The following POU2F2 variants were observed in gnomAD, a reference collection of about 807,000 sequenced individuals.
POU2F2 encodes the protein POU domain, class 2, transcription factor 2.
In POU2F2, 14 loss-of-function variants were observed where a neutral mutation model predicts 63.5. The ratio of observed to expected loss-of-function variants is 0.22; its 90% CI spans 0.15 to 0.34. POU2F2 has a LOEUF of 0.34. Ranked by LOEUF, POU2F2 falls within the 10% of genes least tolerant of loss-of-function variation. POU2F2 has a pLI of 1.00. For missense variants in POU2F2, 607 were observed against 815.2 expected, an observed-to-expected ratio of 0.74 and a Z score of 3.11; for synonymous variants, 306 against 348.6, an observed-to-expected ratio of 0.88 and a Z score of 1.36.
At position 42,096,397 on chromosome 19, in the gene POU2F2, C is replaced by A. The variant is rs1025595606; in HGVS notation, c.568-154G>T. ...CTTCCTCCACAAGCACCGTCAATCC[C>A]TTTAAAGGTCCCTCCACATGCACTG... On this transcript the variant is annotated intron_variant, in intron 7 of 14. Coordinates refer to ENST00000692977, the MANE Select transcript of POU2F2 (RefSeq NM_001394376.1). This position sits in a 1 kb window ranked among gnomAD's most constrained non-coding sequence, Gnocchi z 4.1. 6.6e-6 allele frequency among the ~76,000 whole-genome samples: 1 copy of A among 152,216 alleles called. No individual in the cohort carries two copies. The highest frequency in any genetic ancestry group is 1.5e-5 in the Non-Finnish European group (1 of 68,042).
At position 42,092,622 on chromosome 19, in the gene POU2F2, G is replaced by A. The variant is rs916624961; in HGVS notation, c.1265-352C>T. On this transcript the variant is annotated intron_variant, in intron 12 of 14. Transcript: ENST00000692977. This position sits in a 1 kb window ranked among gnomAD's most constrained non-coding sequence, Gnocchi z 5.0. Reference sequence around the variant, plus strand: ...AGGGGCGAAGGGTGCCAGGCACACTGCCACATCTGAGGGATGGGCAACCTG... The same window carrying A: ...AGGGGCGAAGGGTGCCAGGCACACTACCACATCTGAGGGATGGGCAACCTG... Among the ~76,000 whole-genome samples the A allele has an allele frequency of 1.3e-5, 2 of 151,504 alleles. No individual in the cohort carries two copies. The highest frequency in any genetic ancestry group is 2.0e-4 in the East Asian group (1 of 5,126).
intron 1 of POU2F2, among the ~76,000 whole-genome samples, chr19:42,127,018 G>A (rs961466310): frequency 6.6e-6 from 1 of 152,018 alleles, no homozygotes; most frequent in East Asian, 1.9e-4. Context: ...CTGGGGTCAA[G>A]CTATCCTCCC....
chr19:42,105,522 A>C (rs1019276468), intron 5 of POU2F2, among the ~76,000 whole-genome samples: 2 of 152,168 alleles, frequency 1.3e-5, no homozygotes, highest in African/African-American at 4.8e-5. Flanking sequence ...ATGACTCTCA[A>C]TGAAAATTCC....
chr19:42,118,912 GACAA>G (rs1159663374), intron 4 of POU2F2, among the ~76,000 whole-genome samples: 4 of 152,204 alleles, frequency 2.6e-5, no homozygotes, highest in African/African-American at 9.6e-5. Flanking sequence ...TGTGGACAGA[GACAA>G]ACAGAGGCCA....
At chr19:42,195,593 A>C (rs867528776) in intron 1 of POU2F2, among the ~76,000 whole-genome samples, 1 of 151,192 alleles carries the variant, frequency 6.6e-6, no homozygotes, top group Non-Finnish European at 1.5e-5. Flanking sequence ...CAGCCTCTCA[A>C]AGTGCTAGGA....
intron 4 of POU2F2, among the ~76,000 whole-genome samples, chr19:42,120,100 A>C (rs1158926605): frequency 6.6e-6 from 1 of 152,050 alleles, no homozygotes; most frequent in Non-Finnish European, 1.5e-5. Flanking sequence ...CTGTAGAGAC[A>C]GGGTCTCACT....
At chr19:42,134,757 G>A (rs947346234), upstream of POU2F2, 7 of 152,256 alleles carry the variant, frequency 4.6e-5, no homozygotes, top group African/African-American at 1.7e-4. Flanking sequence ...TAAAGGAGAC[G>A]TAGGGGGCTC....
At chr19:42,094,541 G>A (rs2076847876) in intron 11 of POU2F2, among the ~76,000 whole-genome samples, 1 of 152,146 alleles carries the variant, frequency 6.6e-6, no homozygotes. Flanking sequence ...CATGGTTCAA[G>A]TTCCAGCTCT....
rs1180168298 is a variant in POU2F2, at chr19:42,089,619, G to A, written c.*1638C>T. On this transcript the variant is annotated 3_prime_UTR_variant, in exon 15 of 15. Transcript: ENST00000692977. Reference sequence around the variant, plus strand: ...AAGCATCCGTCCTTCCATCCGCCTTGGGGAACAAGGGCCTGGACCACCGGT... The same window carrying A: ...AAGCATCCGTCCTTCCATCCGCCTTAGGGAACAAGGGCCTGGACCACCGGT... 6.6e-6 allele frequency: 1 copy of A among 151,908 alleles called. No homozygotes were observed. Among genetic ancestry groups the A allele is most frequent in the East Asian group, 1.9e-4 (1 of 5,164 alleles). The allele number at this position is 151,908 out of a possible 1,614,324, so 9.4% of individuals were successfully genotyped here.
At chr19:42,179,224 G>T (rs540131444), upstream of POU2F2, among the ~76,000 whole-genome samples, 4 of 152,092 alleles carry the variant, frequency 2.6e-5, no homozygotes, top group East Asian at 7.7e-4. Context: ...GGAGGGGAGG[G>T]AAGAACAGCA....
chr19:42,140,010 G>A (rs551072347), intron 2 of POU2F2, among the ~76,000 whole-genome samples: 2 of 152,224 alleles, frequency 1.3e-5, no homozygotes, highest in African/African-American at 2.4e-5. Context: ...CCCAAAGCTT[G>A]TGCTTCAGCT....
At chr19:42,144,592 G>A (rs937260681) in intron 2 of POU2F2, among the ~76,000 whole-genome samples, 3 of 152,248 alleles carry the variant, frequency 2.0e-5, no homozygotes, top group African/African-American at 7.2e-5. Flanking sequence ...GAGCTCTCAA[G>A]CCTCGATGCT....
intron 1 of POU2F2, among the ~76,000 whole-genome samples, chr19:42,174,589 G>C (rs780345067): frequency 1.3e-5 from 2 of 150,838 alleles, no homozygotes; most frequent in Non-Finnish European, 3.0e-5. Flanking sequence ...GAAAACACAT[G>C]TCACGATTCT....
intron 4 of POU2F2, among the ~76,000 whole-genome samples, chr19:42,119,842 T>A (rs1420454245): frequency 1.3e-5 from 2 of 152,222 alleles, no homozygotes; most frequent in African/African-American, 4.8e-5. Context: ...TTTTTCATTG[T>A]TTCTGGTTAT....
chr19:42,121,204 C>T (rs2032570101), intron 4 of POU2F2, among the ~76,000 whole-genome samples: 1 of 152,174 alleles, frequency 6.6e-6, no homozygotes, highest in African/African-American at 2.4e-5. Context: ...GCCAAACCTG[C>T]CATCAGAGGG....
chr19:42,100,100 T>C (rs2077076453), intron 5 of POU2F2, among the ~76,000 whole-genome samples: 1 of 128,290 alleles, frequency 7.8e-6, no homozygotes, highest in Admixed American at 7.6e-5. Flanking sequence ...TTTTTTTTTT[T>C]TTTTTTTTTT....
chr19:42,099,697 T>C lies in POU2F2; in HGVS notation c.475+19A>G, dbSNP rs1352604551. The C allele has an allele frequency of 3.1e-6, 5 of 1,598,946 alleles. No homozygotes were observed. The highest frequency in any genetic ancestry group is 1.1e-5 in the South Asian group (1 of 89,522). On this transcript the variant is annotated intron_variant, in intron 6 of 14. Coordinates refer to ENST00000692977, the MANE Select transcript of POU2F2 (RefSeq NM_001394376.1). ...TTCTGTGGAGGCGTCAGGGAGGCCA[T>C]CTGGGGTGGGGGCCTTACCTGGCTG...
intron 1 of POU2F2, among the ~76,000 whole-genome samples, chr19:42,189,955 T>C (rs1455040807): frequency 6.6e-6 from 1 of 152,192 alleles, no homozygotes; most frequent in Non-Finnish European, 1.5e-5. Context: ...CTTGAACTCT[T>C]GGTTCAAGCA....
intron 1 of POU2F2, among the ~76,000 whole-genome samples, chr19:42,187,055 A>G (rs1409582899): frequency 6.6e-6 from 1 of 152,166 alleles, no homozygotes; most frequent in Non-Finnish European, 1.5e-5. Flanking sequence ...TCTGGACATC[A>G]TTAGCATAGA....
Sources: allele counts gnomAD v4.1 joint callset (sites outside exome capture counted in the v4.1 genomes callset), GRCh38; gene constraint gnomAD v4.1.1; non-coding constraint Gnocchi (gnomAD v3.1); transcripts MANE v1.5; gene names NCBI Gene and HGNC (gene_info 2026-07-23, HGNC 2026-07-21).